Variants in KCNJ6 observed in about 807,000 individuals in gnomAD.
KCNJ6 encodes the protein potassium inwardly rectifying channel subfamily J member 6, also known as G protein-activated inward rectifier potassium channel 2.
Under a neutral mutation model 34.2 loss-of-function variants are expected in KCNJ6, and 9 were observed. The ratio of observed to expected loss-of-function variants is 0.26; its 90% CI spans 0.16 to 0.46. The LOEUF is 0.46. Among genes scored for constraint, KCNJ6 ranks in the 20% least tolerant of loss-of-function variants. The pLI, the probability that KCNJ6 is intolerant of heterozygous loss-of-function variation, is 1.00. For synonymous variants in KCNJ6, 196 were observed against 207.1 expected, an observed-to-expected ratio of 0.95 and a Z score of 0.46; for missense variants, 236 against 531.3, an observed-to-expected ratio of 0.44 and a Z score of 5.46.
At chr21:37,901,683 C>A (rs1044669346) in intron 1 of KCNJ6, among the ~76,000 whole-genome samples, 1 of 152,168 alleles carries the variant, frequency 6.6e-6, no homozygotes, top group African/African-American at 2.4e-5. Flanking sequence ...GCTCCCTTCT[C>A]TATGTTGGTA....
At chr21:37,853,908 A>G (rs2123594046) in intron 1 of KCNJ6, among the ~76,000 whole-genome samples, 1 of 148,796 alleles carries the variant, frequency 6.7e-6, no homozygotes. Flanking sequence ...TAATTCCTAG[A>G]ACAGCCACTG....
At position 37,664,827 on chromosome 21, in the gene KCNJ6, C is replaced by T. The variant is rs182150436; in HGVS notation, c.947-39343G>A. Among the ~76,000 whole-genome samples the T allele has an allele frequency of 1.3e-3, 166 of 125,216 alleles. 1 individual carries two copies. The Admixed American group carries it at 0.014, about 10-fold the overall frequency. The allele number at this position is 125,216 out of a possible 152,430, so 82.1% of individuals were successfully genotyped here. A position where few individuals can be genotyped will look rare whatever the true frequency, so the allele number is the denominator to read the frequency against. ...TTTTTTTTTTTTTGAGATGGAGTCTCGCTTTGTTGCCCAGGCTGAAGTGCA... is the reference window on the plus strand; with the variant it reads ...TTTTTTTTTTTTTGAGATGGAGTCTTGCTTTGTTGCCCAGGCTGAAGTGCA... On this transcript the variant is annotated intron_variant, in intron 3 of 3. Coordinates refer to ENST00000609713, the MANE Select transcript of KCNJ6 (RefSeq NM_002240.5).
At chr21:37,706,370 G>A (rs2054719657) in intron 3 of KCNJ6, among the ~76,000 whole-genome samples, 1 of 152,166 alleles carries the variant, frequency 6.6e-6, no homozygotes, top group Non-Finnish European at 1.5e-5. Context: ...TTTACTCGAA[G>A]CTCCTGTGAA....
chr21:37,708,053 C>T (rs916589926), intron 3 of KCNJ6, among the ~76,000 whole-genome samples: 10 of 152,124 alleles, frequency 6.6e-5, no homozygotes, highest in African/African-American at 2.4e-4. Flanking sequence ...TCATCACTCA[C>T]TTCTATTGAG....
At chr21:37,815,330 A>T (rs1186852552) in intron 2 of KCNJ6, among the ~76,000 whole-genome samples, 1 of 152,234 alleles carries the variant, frequency 6.6e-6, no homozygotes, top group East Asian at 1.9e-4. Context: ...ATTCTCTATG[A>T]TGTGATTATT....
chr21:37,687,785 C>T (rs944797979), intron 3 of KCNJ6, among the ~76,000 whole-genome samples: 8 of 152,166 alleles, frequency 5.3e-5, no homozygotes, highest in Non-Finnish European at 7.3e-5. Context: ...CTTCCAGCAT[C>T]GGTCTTAGAT....
At chr21:37,890,649 TC>T (rs1265866347) in intron 1 of KCNJ6, among the ~76,000 whole-genome samples, 1 of 152,202 alleles carries the variant, frequency 6.6e-6, no homozygotes, top group Admixed American at 6.5e-5. Context: ...TGCTGAGATT[TC>T]TGATTTCTGA....
At chr21:37,730,446 T>C (rs2054878497) in intron 2 of KCNJ6, among the ~76,000 whole-genome samples, 1 of 152,126 alleles carries the variant, frequency 6.6e-6, no homozygotes, top group African/African-American at 2.4e-5. Context: ...TAATAAGACC[T>C]ACCTTGAAGA....
At chr21:37,842,754 G>C (rs2055487388) in intron 1 of KCNJ6, among the ~76,000 whole-genome samples, 1 of 152,190 alleles carries the variant, frequency 6.6e-6, no homozygotes, top group Non-Finnish European at 1.5e-5. Flanking sequence ...GTTCATGTGA[G>C]TGTGCACAGC....
chr21:37,705,496 C>G (rs1319373256), intron 3 of KCNJ6, among the ~76,000 whole-genome samples: 2 of 152,176 alleles, frequency 1.3e-5, no homozygotes, highest in African/African-American at 4.8e-5. Flanking sequence ...GCTATGAGAA[C>G]AGTATGATTC....
intron 2 of KCNJ6, among the ~76,000 whole-genome samples, chr21:37,726,711 A>C (rs2054856936): frequency 6.6e-6 from 1 of 152,164 alleles, no homozygotes; most frequent in Admixed American, 6.5e-5. Context: ...TAATTCTTCT[A>C]TTTAAAAATT....
chr21:37,706,972 A>C (rs902576456), intron 3 of KCNJ6, among the ~76,000 whole-genome samples: 2 of 152,240 alleles, frequency 1.3e-5, no homozygotes, highest in African/African-American at 2.4e-5. Flanking sequence ...AAGACCTGGG[A>C]GTAATCTACA....
chr21:37,649,920 A>ATTTTTTTTTTTTTTTTTTTT (rs10597774), intron 3 of KCNJ6, among the ~76,000 whole-genome samples: 1 of 143,914 alleles, frequency 6.9e-6, no homozygotes, highest in African/African-American at 2.6e-5. Context: ...CACCCAGCTA[A>ATTTTTTTTTTTTTTTTTTTT]TTTTTTTTTT....
chr21:37,693,276 A>G (rs549822213), intron 3 of KCNJ6, among the ~76,000 whole-genome samples: 1 of 152,308 alleles, frequency 6.6e-6, no homozygotes, highest in Non-Finnish European at 1.5e-5. Flanking sequence ...CACATAAGCA[A>G]GACTGTAAGT....
intron 1 of KCNJ6, among the ~76,000 whole-genome samples, chr21:37,914,551 C>T (rs2055883989): frequency 6.6e-6 from 1 of 152,254 alleles, no homozygotes; most frequent in African/African-American, 2.4e-5. Context: ...ATTCCTTTGC[C>T]TGGAGCCGGG....
chr21:37,768,084 C>CT (rs201597411), intron 2 of KCNJ6, among the ~76,000 whole-genome samples: 3,553 of 127,930 alleles, frequency 0.028, 132 homozygotes, highest in African/African-American at 0.081. Flanking sequence ...TGTGTATGGA[C>CT]TTTTTTTTTT....
chr21:37,626,056 C>T (rs2054309305), intron 3 of KCNJ6, among the ~76,000 whole-genome samples: 2 of 152,226 alleles, frequency 1.3e-5, no homozygotes, highest in South Asian at 4.1e-4. Context: ...CCTGAATTTG[C>T]ACTTTACTTA....
chr21:37,704,327 T>C (rs1242915699), intron 3 of KCNJ6, among the ~76,000 whole-genome samples: 1 of 146,070 alleles, frequency 6.8e-6, no homozygotes, highest in Non-Finnish European at 1.5e-5. Context: ...AAAGTACATA[T>C]TACTGAGTAT....
intron 1 of KCNJ6, among the ~76,000 whole-genome samples, chr21:37,855,782 A>G (rs1411692410): frequency 6.6e-6 from 1 of 152,222 alleles, no homozygotes; most frequent in Non-Finnish European, 1.5e-5. Flanking sequence ...TTCCAAAACC[A>G]CATATTCACA....
Sources: allele counts gnomAD v4.1 joint callset (sites outside exome capture counted in the v4.1 genomes callset), GRCh38; gene constraint gnomAD v4.1.1; transcripts MANE v1.5; gene names NCBI Gene and HGNC (gene_info 2026-07-23, HGNC 2026-07-21).